DBT: variants seen among roughly 807,000 people sequenced by gnomAD.
DBT encodes the protein dihydrolipoamide branched chain transacylase E2, also known as lipoamide acyltransferase component of branched-chain alpha-keto acid dehydrogenase complex, mitochondrial.
A neutral mutation model predicts 51.3 loss-of-function variants in DBT; 40 were observed. The ratio of observed to expected loss-of-function variants is 0.78; its 90% CI spans 0.61 to 1.02. DBT has a LOEUF of 1.02. Ranked by LOEUF, DBT falls within the 50% of genes least tolerant of loss-of-function variation. DBT has a pLI of 0.00. For missense variants in DBT, 510 were observed against 580.2 expected, an observed-to-expected ratio of 0.88 and a Z score of 1.24; for synonymous variants, 181 against 190.4, an observed-to-expected ratio of 0.95 and a Z score of 0.41.
intron 2 of DBT, 31 bp downstream of exon 2, chr1:100,240,730 T>C: frequency 2.6e-6 from 4 of 1,554,724 alleles, no homozygotes; most frequent in African/African-American, 2.7e-5. Flanking sequence ...AAAACATTAT[T>C]TTATACACGT....
chr1:100,225,209 C>G (rs561210522), intron 4 of DBT, among the ~76,000 whole-genome samples: 1 of 151,580 alleles, frequency 6.6e-6, no homozygotes, highest in African/African-American at 2.4e-5. Flanking sequence ...GTAATGCCTC[C>G]TTTCCAACCC....
chr1:100,247,597 G>A (rs568552753), intron 1 of DBT, among the ~76,000 whole-genome samples: 1 of 151,410 alleles, frequency 6.6e-6, no homozygotes, highest in Non-Finnish European at 1.5e-5. Flanking sequence ...TACTTGGGAG[G>A]CTGAGGCAGG....
rs766629953 is a variant in DBT at position 100,218,645 on chromosome 1, C to T, written c.536G>A (p.Arg179His). ...RKTLATPAVR[R>H]LAMENNIKLS... ...ACTTACATTGTTTTCCATTGCCAGA[C>T]GGCGAACTGCAGGAGTTGCCAGTGT... The change falls in exon 5 of 11, where the codon CGT becomes CAT. Residue 179 changes from arginine to histidine, a missense_variant. Transcript: ENST00000370132. 62 of 1,613,876 alleles carry T rather than the reference C, an allele frequency of 3.8e-5. No individual in the cohort carries two copies. Among genetic ancestry groups the T allele is most frequent in the East Asian group, 3.1e-4 (14 of 44,880 alleles).
chr1:100,214,828 AAGG>A lies in DBT; in HGVS notation c.925_927del (p.Pro309del). 3 of 1,614,032 alleles carry A rather than the reference AAGG, an allele frequency of 1.9e-6. No individual in the cohort carries two copies. The highest frequency in any genetic ancestry group is 2.5e-6 in the Non-Finnish European group (3 of 1,179,898). On this transcript the variant is annotated inframe_deletion, in exon 7 of 11. Transcript: ENST00000370132. ...TGAATGAATCTCACCTTTAAGAAGAAAGGCATAAAGGAGAGTTTAATTCCACGA... is the reference window on the plus strand; with the variant it reads ...TGAATGAATCTCACCTTTAAGAAGAACATAAAGGAGAGTTTAATTCCACGA...
intron 8 of DBT, 56 bp from the exon 9 acceptor site, chr1:100,206,692 A>G: frequency 2.9e-6 from 3 of 1,030,482 alleles, no homozygotes; most frequent in Non-Finnish European, 4.6e-6. Flanking sequence ...AACAGCAAAG[A>G]AAGGATCAAC....
chr1:100,196,467 G>C, intron 10 of DBT, 45 bp from the exon 11 acceptor site: 2 of 1,456,898 alleles, frequency 1.4e-6, no homozygotes, highest in Middle Eastern at 1.9e-4. Context: ...AAAGAACAAA[G>C]AGTAAACCTT....
Position 100,219,651 on chromosome 1 carries a change from GGC to G in DBT, c.434-906_434-905del, listed in dbSNP as rs879592352. Among the ~76,000 whole-genome samples the G allele has an allele frequency of 2.5e-3, 385 of 152,060 alleles. 1 individual carries two copies. Among genetic ancestry groups the G allele is most frequent in the Non-Finnish European group, 4.8e-3 (324 of 67,988 alleles). On this transcript the variant is annotated intron_variant, in intron 4 of 10. Coordinates refer to ENST00000370132, the MANE Select transcript of DBT (RefSeq NM_001918.5). ...TGGTCCAAGCTACACAGGAAGCTGAGGCGGGGAGAATCACTTAAACCCAGGAA... is the reference window on the plus strand; with the variant it reads ...TGGTCCAAGCTACACAGGAAGCTGAGGGGGAGAATCACTTAAACCCAGGAA...
intron 4 of DBT, among the ~76,000 whole-genome samples, chr1:100,220,615 C>G (rs186484713): frequency 6.6e-6 from 1 of 152,298 alleles, no homozygotes; most frequent in Admixed American, 6.5e-5. Flanking sequence ...AAATACTGTC[C>G]TGCATATGCA....
chr1:100,202,931 G>C (rs1323146499), intron 10 of DBT, among the ~76,000 whole-genome samples: 2 of 152,190 alleles, frequency 1.3e-5, no homozygotes, highest in Non-Finnish European at 2.9e-5. Flanking sequence ...GCTAAAGTAT[G>C]TGTAGAGGGA....
chr1:100,236,865 C>G (rs1053668354), intron 2 of DBT, among the ~76,000 whole-genome samples: 2 of 152,148 alleles, frequency 1.3e-5, no homozygotes, highest in Non-Finnish European at 2.9e-5. Context: ...AAGAACAGTT[C>G]TCTATAGCCG....
In DBT at chr1:100,188,968, T is replaced by G. The variant is rs1010764434; in HGVS notation, c.*7287A>C. On this transcript the variant is annotated 3_prime_UTR_variant, in exon 11 of 11. Coordinates refer to ENST00000370132, the MANE Select transcript of DBT (RefSeq NM_001918.5). ...GACTGCCACATAATGAATTTTCATT[T>G]CCATTTTATTCTGAACTTGCAAACA... The G allele has an allele frequency of 6.6e-5, 10 of 152,224 alleles. No individual in the cohort carries two copies. The highest frequency in any genetic ancestry group is 2.4e-4 in the African/African-American group (10 of 41,454). 9.4% of individuals were successfully genotyped at this position (152,224 alleles called of 1,614,324 possible). A position where few individuals can be genotyped will look rare whatever the true frequency, so the allele number is the denominator to read the frequency against.
At chr1:100,246,218 A>C (rs1240939841) in intron 1 of DBT, among the ~76,000 whole-genome samples, 1 of 152,208 alleles carries the variant, frequency 6.6e-6, no homozygotes, top group African/African-American at 2.4e-5. Flanking sequence ...AGATTGCACC[A>C]CTGCACTCCA....
Position 100,194,874 on chromosome 1 carries a change from A to T in DBT, c.*1381T>A, listed in dbSNP as rs776256682. ...TTTTCTGTCACAAAACTTCACTTAAACAACTAATTTTGGCATACAGTTTTC... is the reference window on the plus strand; with the variant it reads ...TTTTCTGTCACAAAACTTCACTTAATCAACTAATTTTGGCATACAGTTTTC... On this transcript the variant is annotated 3_prime_UTR_variant, in exon 11 of 11. Coordinates refer to ENST00000370132, the MANE Select transcript of DBT (RefSeq NM_001918.5). 1.1e-4 allele frequency: 17 copies of T among 152,226 alleles called. No individual in the cohort carries two copies. The highest frequency in any genetic ancestry group is 2.1e-4 in the Non-Finnish European group (14 of 68,044). The allele number at this position is 152,226 out of a possible 1,614,324, so 9.4% of individuals were successfully genotyped here.
intron 10 of DBT, among the ~76,000 whole-genome samples, chr1:100,199,768 G>A (rs542770494): frequency 9.2e-5 from 14 of 152,274 alleles, no homozygotes; most frequent in South Asian, 2.1e-4. Context: ...AGGATGGGGC[G>A]TCGCCTCACC....
At chr1:100,225,207 T>C (rs750853187) in intron 4 of DBT, among the ~76,000 whole-genome samples, 1 of 151,648 alleles carries the variant, frequency 6.6e-6, no homozygotes, top group Non-Finnish European at 1.5e-5. Context: ...TGGTAATGCC[T>C]CCTTTCCAAC....
intron 2 of DBT, among the ~76,000 whole-genome samples, chr1:100,235,738 C>A (rs1320475761): frequency 6.6e-6 from 1 of 152,150 alleles, no homozygotes; most frequent in Non-Finnish European, 1.5e-5. Flanking sequence ...TGCCACAGAA[C>A]TTACATTTTC....
At chr1:100,219,130 T>A (rs908593020) in intron 4 of DBT, among the ~76,000 whole-genome samples, 1 of 152,052 alleles carries the variant, frequency 6.6e-6, no homozygotes, top group African/African-American at 2.4e-5. Flanking sequence ...GGCAGAAGGA[T>A]CACCTGAGCC....
Position 100,196,035 on chromosome 1 carries a change from T to TC in DBT, c.*219dup. On this transcript the variant is annotated 3_prime_UTR_variant, in exon 11 of 11. Coordinates refer to ENST00000370132, the MANE Select transcript of DBT (RefSeq NM_001918.5). ...TCAGCACCATATTAAGAAGTCACACTCTGACCTATAAAATGTGACAGCCCC... is the reference window on the plus strand; with the variant it reads ...TCAGCACCATATTAAGAAGTCACACTCCTGACCTATAAAATGTGACAGCCCC... 1.7e-6 allele frequency: 1 copy of TC among 589,890 alleles called. No individual in the cohort carries two copies. The highest frequency in any genetic ancestry group is 3.0e-6 in the Non-Finnish European group (1 of 333,348). 36.5% of individuals were successfully genotyped at this position (589,890 alleles called of 1,614,324 possible).
At chr1:100,220,758 A>G (rs1662803682) in intron 4 of DBT, among the ~76,000 whole-genome samples, 1 of 152,248 alleles carries the variant, frequency 6.6e-6, no homozygotes, top group African/African-American at 2.4e-5. Context: ...AGCTGAATTC[A>G]GTCCTAGGGC....
Sources: allele counts gnomAD v4.1 joint callset (sites outside exome capture counted in the v4.1 genomes callset), GRCh38; gene constraint gnomAD v4.1.1; transcripts MANE v1.5; gene names NCBI Gene and HGNC (gene_info 2026-07-23, HGNC 2026-07-21).